The following IFT43 variants were observed in gnomAD, a reference collection of about 807,000 sequenced individuals.
IFT43 encodes intraflagellar transport protein 43 homolog.
In IFT43, 33 loss-of-function variants were observed where a neutral mutation model predicts 32.3. The ratio of observed to expected loss-of-function variants is 1.02; its 90% confidence interval spans 0.77 to 1.37. The LOEUF is 1.37. Among genes scored for constraint, IFT43 ranks in the 40% most tolerant of loss-of-function variants. IFT43 has a pLI of 0.00. For missense variants in IFT43, 274 were observed against 265.9 expected (o/e 1.03, Z -0.21); for synonymous variants, 93 against 98.2 (o/e 0.95, Z 0.31).
At chr14:76,076,164 TAACCA>T (rs941085261) in intron 5 of IFT43, among the ~76,000 whole-genome samples, 7 of 152,220 alleles carry the variant, frequency 4.6e-5, no homozygotes, top group African/African-American at 1.7e-4. Context: ...AGATTGTGTG[TAACCA>T]AACGGCATTT....
chr14:75,991,830 G>A (rs1221088107), intron 2 of IFT43, among the ~76,000 whole-genome samples: 1 of 152,098 alleles, frequency 6.6e-6, no homozygotes, highest in Non-Finnish European at 1.5e-5. Context: ...AGGATTCCAG[G>A]ATCCCTTTCT....
chr14:76,025,720 T>C (rs1188775830), intron 3 of IFT43, among the ~76,000 whole-genome samples: 2 of 152,178 alleles, frequency 1.3e-5, no homozygotes, highest in Non-Finnish European at 2.9e-5. Flanking sequence ...ATTCAATAAA[T>C]GGTGTTGAGA....
rs569987728 is a variant in IFT43, at chr14:76,026,819, A to G, written c.215+4425A>G. On this transcript the variant is annotated intron_variant, in intron 3 of 8. Coordinates refer to ENST00000314067, the MANE Select transcript of IFT43 (RefSeq NM_001102564.3). ...CAGCACTATTTGCAATAGCAAAGAC[A>G]TGGAATCAACCTTAATGTTCATCAA... Among the ~76,000 whole-genome samples, 3 of 152,348 alleles carry G rather than the reference A, an allele frequency of 2.0e-5. No individual in the cohort carries two copies. In the East Asian group the frequency reaches 5.8e-4, roughly 29 times the overall value.
At chr14:76,008,315 G>A (rs571836391) in intron 2 of IFT43, among the ~76,000 whole-genome samples, 1 of 152,246 alleles carries the variant, frequency 6.6e-6, no homozygotes, top group East Asian at 1.9e-4. Context: ...AACTTCCATT[G>A]TCTCAACCCT....
intron 2 of IFT43, among the ~76,000 whole-genome samples, chr14:76,021,553 CT>C (rs2036292669): frequency 6.6e-6 from 1 of 152,052 alleles, no homozygotes; most frequent in Non-Finnish European, 1.5e-5. Flanking sequence ...ATGTATCAAA[CT>C]TTCTTATATC....
At chr14:76,015,121 G>C (rs1290719205) in intron 2 of IFT43, among the ~76,000 whole-genome samples, 1 of 152,136 alleles carries the variant, frequency 6.6e-6, no homozygotes, top group African/African-American at 2.4e-5. Context: ...GATTTCTGGG[G>C]AAGAGCATAT....
intron 3 of IFT43, among the ~76,000 whole-genome samples, chr14:76,045,129 T>C (rs780154929): frequency 3.3e-5 from 5 of 152,184 alleles, no homozygotes; most frequent in Non-Finnish European, 7.3e-5. Flanking sequence ...GTATTTCTTA[T>C]TATAAATCAC....
intron 2 of IFT43, among the ~76,000 whole-genome samples, chr14:76,000,657 ATAAAC>A (rs1446584314): frequency 1.3e-5 from 2 of 152,164 alleles, no homozygotes; most frequent in Non-Finnish European, 2.9e-5. Flanking sequence ...TTGGGAAACA[ATAAAC>A]AAAAACCTGG....
chr14:75,989,490 A>G (rs2035595500), intron 2 of IFT43, among the ~76,000 whole-genome samples: 1 of 152,082 alleles, frequency 6.6e-6, no homozygotes, highest in Non-Finnish European at 1.5e-5. Context: ...TCTGATGAGC[A>G]ATACTTTTTA....
At chr14:76,057,769 A>G (rs1566728875) in intron 3 of IFT43, among the ~76,000 whole-genome samples, 1 of 152,180 alleles carries the variant, frequency 6.6e-6, no homozygotes, top group Non-Finnish European at 1.5e-5. Context: ...GACTTCAAAT[A>G]ACTCATTTAA....
At chr14:76,010,424 G>T (rs1388202446) in intron 2 of IFT43, among the ~76,000 whole-genome samples, 1 of 151,978 alleles carries the variant, frequency 6.6e-6, no homozygotes, top group Non-Finnish European at 1.5e-5. Flanking sequence ...TAAACTTTAT[G>T]CTTCTAGTTT....
chr14:76,028,084 A>C (rs548980992), intron 3 of IFT43, among the ~76,000 whole-genome samples: 1 of 152,106 alleles, frequency 6.6e-6, no homozygotes, highest in African/African-American at 2.4e-5. Flanking sequence ...ACAGGTGATC[A>C]TGTGTCCTTA....
chr14:76,063,675 T>A (rs2037181557), intron 5 of IFT43, among the ~76,000 whole-genome samples: 1 of 152,240 alleles, frequency 6.6e-6, no homozygotes, highest in South Asian at 2.1e-4. Context: ...AGGGCAAGTC[T>A]AGTACCACAT....
At chr14:76,005,337 T>G (rs1469933066) in intron 2 of IFT43, among the ~76,000 whole-genome samples, 1 of 152,240 alleles carries the variant, frequency 6.6e-6, no homozygotes, top group Non-Finnish European at 1.5e-5. Context: ...GCAAATCCCA[T>G]AGTCCTGGGA....
chr14:76,027,882 T>C (rs1002436575), intron 3 of IFT43, among the ~76,000 whole-genome samples: 9 of 152,088 alleles, frequency 5.9e-5, no homozygotes, highest in African/African-American at 2.2e-4. Flanking sequence ...TCCAATCAGC[T>C]CAAATATTGT....
intron 5 of IFT43, among the ~76,000 whole-genome samples, chr14:76,060,917 T>C (rs920778866): frequency 9.2e-5 from 14 of 151,622 alleles, no homozygotes; most frequent in South Asian, 6.3e-4. Context: ...TTTCTTTTTT[T>C]TGAGACAGGG....
intron 1 of IFT43, among the ~76,000 whole-genome samples, chr14:75,987,218 A>C (rs1488884649): frequency 1.3e-5 from 2 of 152,230 alleles, no homozygotes; most frequent in East Asian, 3.8e-4. Flanking sequence ...TGCTGTATTC[A>C]GATACTCAGT....
intron 3 of IFT43, among the ~76,000 whole-genome samples, chr14:76,047,509 A>G (rs1217989450): frequency 3.3e-5 from 5 of 152,242 alleles, no homozygotes; most frequent in Non-Finnish European, 7.3e-5. Flanking sequence ...AGAGGAGTAT[A>G]AAGGGGGAAG....
chr14:76,046,772 G>A (rs1381072209), intron 3 of IFT43, among the ~76,000 whole-genome samples: 1 of 152,216 alleles, frequency 6.6e-6, no homozygotes, highest in Admixed American at 6.5e-5. Context: ...TTGCCCAAGA[G>A]CATGCAGCTA....
Sources: allele counts gnomAD v4.1 joint callset (sites outside exome capture counted in the v4.1 genomes callset), GRCh38; gene constraint gnomAD v4.1.1; transcripts MANE v1.5; gene names NCBI Gene and HGNC (gene_info 2026-07-23, HGNC 2026-07-21).